The following SPON1 variants were observed in gnomAD, a reference collection of about 807,000 sequenced individuals.
The protein encoded by SPON1 is spondin 1.
In SPON1, 52 loss-of-function variants were observed where a neutral mutation model predicts 111.7. That is an observed-to-expected ratio of 0.47 (90% CI 0.37 to 0.59). The LOEUF (loss-of-function observed/expected upper bound fraction) is 0.59, where lower values mean the gene tolerates loss of function less well. Ranked by LOEUF, SPON1 falls within the 20% of genes least tolerant of loss-of-function variation. SPON1 has a pLI of 0.00. For missense variants in SPON1, 957 were observed against 1,068.5 expected, an observed-to-expected ratio of 0.90 and a Z score of 1.46; for synonymous variants, 410 against 395.8, an observed-to-expected ratio of 1.04 and a Z score of -0.43.
chr11:13,980,695 C>T (rs1848137494), intron 1 of SPON1, among the ~76,000 whole-genome samples: 1 of 152,150 alleles, frequency 6.6e-6, no homozygotes, highest in African/African-American at 2.4e-5. Flanking sequence ...CAGGAGGCTG[C>T]ATATCATACT....
intron 6 of SPON1, among the ~76,000 whole-genome samples, chr11:14,150,529 C>T (rs1051189389): frequency 7.2e-5 from 11 of 152,020 alleles, no homozygotes; most frequent in Admixed American, 6.6e-4. Flanking sequence ...GATTATTTTA[C>T]ATTGTGTACA....
chr11:14,190,891 G>C (rs564287931), intron 6 of SPON1, among the ~76,000 whole-genome samples: 2 of 151,688 alleles, frequency 1.3e-5, no homozygotes, highest in South Asian at 4.2e-4. Flanking sequence ...TACCCACCTC[G>C]GCCTCCCAAA....
rs569444479 is a variant in SPON1, at chr11:14,169,329, A to G, written c.825+33761A>G. ...TGAGAAGTGTCTGTTCATATCCTTCACCCACTTTTTGATGGGGTTTTTTTT... is the reference window on the plus strand; with the variant it reads ...TGAGAAGTGTCTGTTCATATCCTTCGCCCACTTTTTGATGGGGTTTTTTTT... On this transcript the variant is annotated intron_variant, in intron 6 of 15. Transcript: ENST00000576479. Among the ~76,000 whole-genome samples, 37 of 150,026 alleles carry G rather than the reference A, an allele frequency of 2.5e-4. No homozygotes were observed. In the South Asian group the frequency reaches 5.9e-3, roughly 24 times the overall value.
At chr11:14,076,732 A>G (rs781810620) in intron 4 of SPON1, among the ~76,000 whole-genome samples, 1 of 152,210 alleles carries the variant, frequency 6.6e-6, no homozygotes, top group Non-Finnish European at 1.5e-5. Context: ...TGAGCTGAGC[A>G]GAAACTAGGT....
chr11:14,116,647 A>G (rs1329872601), intron 5 of SPON1, among the ~76,000 whole-genome samples: 1 of 152,048 alleles, frequency 6.6e-6, no homozygotes, highest in Non-Finnish European at 1.5e-5. Context: ...AAGCTTTGAT[A>G]TCTGGGAGTG....
chr11:14,257,961 G>C, intron 11 of SPON1, 63 bp downstream of exon 11: 1 of 1,429,048 alleles, frequency 7.0e-7, no homozygotes, highest in East Asian at 2.6e-5. Flanking sequence ...GGTCTGCCTA[G>C]CAGTCAGACA....
At chr11:14,204,847 G>A (rs1483947934) in intron 6 of SPON1, among the ~76,000 whole-genome samples, 1 of 151,916 alleles carries the variant, frequency 6.6e-6, no homozygotes, top group Non-Finnish European at 1.5e-5. Flanking sequence ...ACCACCCCCG[G>A]CTAATTTTTT....
At chr11:14,092,003 G>A (rs782354239) in intron 5 of SPON1, among the ~76,000 whole-genome samples, 3 of 152,186 alleles carry the variant, frequency 2.0e-5, no homozygotes, top group Admixed American at 6.5e-5. Context: ...TCCTCTGTGG[G>A]CTGTACCCAC....
chr11:14,025,060 G>A (rs1848507839), intron 2 of SPON1, among the ~76,000 whole-genome samples: 1 of 152,194 alleles, frequency 6.6e-6, no homozygotes, highest in South Asian at 2.1e-4. Context: ...AGAGTGGGAA[G>A]AGATTGAGTT....
At chr11:14,090,259 G>A (rs1176733202) in intron 5 of SPON1, among the ~76,000 whole-genome samples, 1 of 150,936 alleles carries the variant, frequency 6.6e-6, no homozygotes, top group Non-Finnish European at 1.5e-5. Flanking sequence ...CAGCCGCCCA[G>A]TTTTGTGATT....
chr11:13,962,962 G>T lies in SPON1; in HGVS notation c.58G>T (p.Ala20Ser). The change falls in exon 1 of 16, where the codon GCG becomes TCG. Residue 20 changes from alanine to serine, a missense_variant. Around this residue, in one of 5 missense-constraint regions of SPON1, gnomAD observed 262 missense variants for 253.9 expected, o/e 1.03. Coordinates refer to ENST00000576479, the MANE Select transcript of SPON1 (RefSeq NM_006108.4). ...CCGGACTCCGGCACTGCTGGCCCTG[G>T]CGCTGCCCCTGGCCGCGGCGCTGGC... ...LSRTPALLAL[A>S]LPLAAALAFS... The T allele has an allele frequency of 6.3e-7, 1 of 1,590,918 alleles. No homozygotes were observed. Among genetic ancestry groups the T allele is most frequent in the Non-Finnish European group, 8.5e-7 (1 of 1,170,492 alleles).
intron 6 of SPON1, among the ~76,000 whole-genome samples, chr11:14,205,162 G>C (rs1848504711): frequency 1.3e-5 from 2 of 152,134 alleles, no homozygotes; most frequent in African/African-American, 4.8e-5. Context: ...CTTGTTTTAA[G>C]ATTCAGTTCA....
intron 5 of SPON1, among the ~76,000 whole-genome samples, chr11:14,107,508 G>T (rs1039834891): frequency 6.7e-6 from 1 of 148,812 alleles, no homozygotes; most frequent in Non-Finnish European, 1.5e-5. Context: ...CTTGCATTCA[G>T]ACCTGAGTGG....
At chr11:14,132,033 C>T (rs782519333) in intron 5 of SPON1, among the ~76,000 whole-genome samples, 6 of 152,194 alleles carry the variant, frequency 3.9e-5, no homozygotes, top group Non-Finnish European at 5.9e-5. Context: ...AATCCCAACA[C>T]TGTGGGAGGC....
intron 1 of SPON1, among the ~76,000 whole-genome samples, chr11:13,977,015 T>C (rs1554909114): frequency 1.3e-5 from 2 of 152,254 alleles, no homozygotes; most frequent in Admixed American, 6.5e-5. Context: ...GATTTATCCA[T>C]GTTGCATGTG....
chr11:14,266,316 C>G lies in SPON1; in HGVS notation c.*629C>G, dbSNP rs1554942492. 6.6e-6 allele frequency: 1 copy of G among 151,976 alleles called. No individual in the cohort carries two copies. Among genetic ancestry groups the G allele is most frequent in the Non-Finnish European group, 1.5e-5 (1 of 68,026 alleles). The allele number at this position is 151,976 out of a possible 1,614,324, so 9.4% of individuals were successfully genotyped here. ...CCCTGATATTGGTTCCTGATGCCCC[C>G]CCAACAAAAATAAATAAATAAATTA... is the stretch of plus-strand genomic sequence containing the variant. On this transcript the variant is annotated 3_prime_UTR_variant, in exon 16 of 16. Coordinates refer to ENST00000576479, the MANE Select transcript of SPON1 (RefSeq NM_006108.4).
chr11:14,061,520 A>C (rs1366973506), intron 3 of SPON1, among the ~76,000 whole-genome samples: 1 of 152,228 alleles, frequency 6.6e-6, no homozygotes, highest in Non-Finnish European at 1.5e-5. Flanking sequence ...ATTTTCCTGC[A>C]TAAAATTAAA....
intron 2 of SPON1, among the ~76,000 whole-genome samples, chr11:14,010,820 G>A (rs1304661797): frequency 6.6e-6 from 1 of 152,142 alleles, no homozygotes; most frequent in Non-Finnish European, 1.5e-5. Context: ...TATTTCACTG[G>A]GCTCTAGCCA....
chr11:13,966,176 C>G (rs1293412063), intron 1 of SPON1, among the ~76,000 whole-genome samples: 1 of 152,190 alleles, frequency 6.6e-6, no homozygotes, highest in Admixed American at 6.5e-5. Context: ...CACCACTTCT[C>G]TCTACTCTCC....
Sources: allele counts gnomAD v4.1 joint callset (sites outside exome capture counted in the v4.1 genomes callset), GRCh38; gene constraint gnomAD v4.1.1; regional missense constraint gnomAD v4.1.1; transcripts MANE v1.5; gene names NCBI Gene and HGNC (gene_info 2026-07-23, HGNC 2026-07-21).